Variants in RHBDF1 observed in about 807,000 individuals in gnomAD.
The protein encoded by RHBDF1 is rhomboid 5 homolog 1, also known as inactive rhomboid protein 1.
RHBDF1 carries 80 observed loss-of-function variants against 98.6 expected under a neutral mutation model. That is an observed-to-expected ratio of 0.81 (90% confidence interval 0.68 to 0.98). The LOEUF (loss-of-function observed/expected upper bound fraction) is 0.98. Ranked by LOEUF, RHBDF1 falls within the 50% of genes least tolerant of loss-of-function variation. The pLI, the probability that RHBDF1 is intolerant of heterozygous loss-of-function variation, is 0.00. For missense variants in RHBDF1, 1,116 were observed against 1,198.3 expected (o/e 0.93, Z 1.01); for synonymous variants, 512 against 486.8 (o/e 1.05, Z -0.68).
chr16:64,617 T>C, intron 3 of RHBDF1, 82 bp downstream of exon 3: 1 of 1,547,008 alleles, frequency 6.5e-7, no homozygotes, highest in Admixed American at 1.9e-5. Context: ...GCCCTTGTTC[T>C]CATTTCCATC....
chr16:65,136 AAC>A, intron 1 of RHBDF1, 97 bp from the exon 2 acceptor site: 2 of 1,296,380 alleles, frequency 1.5e-6, no homozygotes, highest in South Asian at 1.6e-5. Flanking sequence ...TGATGAGCCC[AAC>A]CGTGGTGCTC....
At position 59,292 on chromosome 16, in the gene RHBDF1, C is replaced by G. The variant is rs1400803838; in HGVS notation, c.1951G>C (p.Asp651His). ...GATAGCCACAGGCGGTAGAACTGGT[C>G]AGGCACCTCGGGGTTGAGAAAAGGC... ...LLPFLNPEVP[D>H]QFYRLWLSLF... Residue 651 changes from aspartate (D) to histidine (H), a missense_variant, in exon 16 of 18, where the codon GAC becomes CAC. Physicochemically the swap from Asp to His is moderately conservative, Grantham distance 81 (BLOSUM62 -1). Coordinates refer to ENST00000262316, the MANE Select transcript of RHBDF1 (RefSeq NM_022450.5). The G allele has an allele frequency of 6.2e-7, 1 of 1,611,190 alleles. No individual in the cohort carries two copies. Among genetic ancestry groups the G allele is most frequent in the Non-Finnish European group, 8.5e-7 (1 of 1,178,510 alleles).
Position 60,217 on chromosome 16 carries a change from G to A in RHBDF1, c.1721C>T (p.Pro574Leu), listed in dbSNP as rs762192527. 43 of 1,613,924 alleles carry A rather than the reference G, an allele frequency of 2.7e-5. No individual in the cohort carries two copies. The highest frequency in any genetic ancestry group is 2.5e-4 in the Admixed American group (15 of 59,982). Reference sequence around the variant, plus strand: ...AACAACCCCCCCACTGCAGCTCACCGGCCACTTGGTGATGTCTTCTGGCCA... The same window carrying A: ...AACAACCCCCCCACTGCAGCTCACCAGCCACTTGGTGATGTCTTCTGGCCA... ...HEWPEDITKW[P>L]ICTKNSAGNH... is the part of the protein sequence containing the mutation. Residue 574 changes from proline to leucine, a missense_variant and splice_region_variant, in exon 13 of 18, where the codon CCG (proline) becomes CTG (leucine). Pro to Leu is a moderately conservative substitution (Grantham distance 98, BLOSUM62 -3). Coordinates refer to ENST00000262316, the MANE Select transcript of RHBDF1 (RefSeq NM_022450.5).
chr16:61,309 A>T, intron 10 of RHBDF1, 28 bp from the exon 11 acceptor site: 1 of 1,541,424 alleles, frequency 6.5e-7, no homozygotes, highest in South Asian at 1.2e-5. Context: ...GAGCGGCCGC[A>T]GTCCGGGGCC....
In RHBDF1 at chr16:63,810, C is replaced by A; in HGVS notation, c.249-10G>T. On this transcript the variant is annotated splice_polypyrimidine_tract_variant and intron_variant, in intron 3 of 17. Transcript: ENST00000262316. Reference sequence around the variant, plus strand: ...CCAGTCGGCGGTCCCCCTGGCATGGCAGGGACTCAGCAAGGGGCGGCCAGA... The same window carrying A: ...CCAGTCGGCGGTCCCCCTGGCATGGAAGGGACTCAGCAAGGGGCGGCCAGA... 2 of 1,611,276 alleles carry A rather than the reference C, an allele frequency of 1.2e-6. No individual in the cohort carries two copies. Among genetic ancestry groups the A allele is most frequent in the Non-Finnish European group, 1.7e-6 (2 of 1,178,506 alleles).
intron 3 of RHBDF1, chr16:64,427 G>A (rs749773781): frequency 1.3e-5 from 19 of 1,448,768 alleles, no homozygotes; most frequent in African/African-American, 2.8e-5. Flanking sequence ...CGCCCGAAGC[G>A]TACTTGTCGG....
chr16:61,847 G>A lies in RHBDF1; in HGVS notation c.1159C>T (p.Arg387Cys), dbSNP rs769032030. 17 of 1,611,858 alleles carry A rather than the reference G, an allele frequency of 1.1e-5. No individual in the cohort carries two copies. The highest frequency in any genetic ancestry group is 2.7e-5 in the African/African-American group (2 of 74,922). The stretch of plus-strand genomic sequence containing the variant: ...TGGCGCTTGACGAAGCTGTCGATGC[G>A]CTTGCGGTAGGTGCGGTTGGTGAGC... ...GRLTNRTYRK[R>C]IDSFVKRQIE... The change falls in exon 8 of 18, where the codon CGC becomes TGC. Residue 387 changes from arginine (R) to cysteine (C), a missense_variant. Coordinates refer to ENST00000262316, the MANE Select transcript of RHBDF1 (RefSeq NM_022450.5).
In RHBDF1 at chr16:72,548, G is replaced by A; in HGVS notation, c.-60C>T. On this transcript the variant is annotated 5_prime_UTR_variant, in exon 1 of 18. Coordinates refer to ENST00000262316, the MANE Select transcript of RHBDF1 (RefSeq NM_022450.5). Reference sequence around the variant, plus strand: ...GGGGGCTCTGGGGGGTCCTGAGGGCGCCGGGGAGGAGGCTGCCGCCGCTGG... The same window carrying A: ...GGGGGCTCTGGGGGGTCCTGAGGGCACCGGGGAGGAGGCTGCCGCCGCTGG... The A allele has an allele frequency of 2.4e-6, 2 of 831,576 alleles. No homozygotes were observed. Among genetic ancestry groups the A allele is most frequent in the Non-Finnish European group, 2.6e-6 (2 of 760,258 alleles). The allele number at this position is 831,576 out of a possible 1,614,324, so 51.5% of individuals were successfully genotyped here.
At chr16:59,609 C>A (rs1446132240) in intron 14 of RHBDF1, 115 bp from the exon 15 acceptor site, 3 of 1,467,838 alleles carry the variant, frequency 2.0e-6, no homozygotes, top group Admixed American at 3.9e-5. Context: ...GAAGTCCAGA[C>A]CCCCTCTAAC....
chr16:61,019 G>A (rs1221629511), intron 11 of RHBDF1, 101 bp downstream of exon 11: 1 of 1,319,560 alleles, frequency 7.6e-7, no homozygotes, highest in African/African-American at 1.5e-5. Context: ...GGCGGGATGT[G>A]CCAGGAACGA....
chr16:75,854 C>T (rs1898077248), upstream of RHBDF1, among the ~76,000 whole-genome samples: 1 of 152,170 alleles, frequency 6.6e-6, no homozygotes, highest in South Asian at 2.1e-4. Flanking sequence ...GACCTGACAC[C>T]CACCTCAACA....
At chr16:62,490 G>T (rs758487243) in intron 7 of RHBDF1, 48 bp downstream of exon 7, 1 of 1,596,928 alleles carries the variant, frequency 6.3e-7, no homozygotes, top group Non-Finnish European at 8.5e-7. Flanking sequence ...TGTTCCTGAC[G>T]GGCCCCGGGG....
Position 64,685 on chromosome 16 carries a change from G to A in RHBDF1, c.248+14C>T. The A allele has an allele frequency of 1.2e-6, 2 of 1,600,696 alleles. No homozygotes were observed. The highest frequency in any genetic ancestry group is 1.7e-6 in the Non-Finnish European group (2 of 1,170,874). ...CAGCTCCCACCCCATGGAGCAGCTGGGCGGTGTTGGTACCTGCGGATGGTC... is the reference window on the plus strand; with the variant it reads ...CAGCTCCCACCCCATGGAGCAGCTGAGCGGTGTTGGTACCTGCGGATGGTC... On this transcript the variant is annotated intron_variant, in intron 3 of 17. Transcript: ENST00000262316.
intron 1 of RHBDF1, among the ~76,000 whole-genome samples, chr16:65,815 A>C (rs1239724413): frequency 6.6e-6 from 1 of 152,200 alleles, no homozygotes; most frequent in Non-Finnish European, 1.5e-5. Context: ...GACTTTCCAG[A>C]AACCACCCGG....
rs775763832 is a variant in RHBDF1 at position 60,550 on chromosome 16, G to C, written c.1558-11C>G. 5 of 1,601,280 alleles carry C rather than the reference G, an allele frequency of 3.1e-6. No individual in the cohort carries two copies. In the Admixed American group the frequency reaches 8.3e-5, roughly 27 times the overall value. On this transcript the variant is annotated splice_polypyrimidine_tract_variant and intron_variant, in intron 11 of 17. Transcript: ENST00000262316. Reference sequence around the variant, plus strand: ...CACTGCCAGCGTGGACTGTGGGAGGGGGACACAGGGTCAGGTCCAGTTGGG... The same window carrying C: ...CACTGCCAGCGTGGACTGTGGGAGGCGGACACAGGGTCAGGTCCAGTTGGG...
intron 17 of RHBDF1, 66 bp from the exon 18 acceptor site, chr16:58,825 A>G (rs1897486801): frequency 6.4e-7 from 1 of 1,569,430 alleles, no homozygotes; most frequent in Non-Finnish European, 8.7e-7. Flanking sequence ...CCAAGGCCTC[A>G]TCTTTCTGCC....
chr16:62,420 C>G (rs1309479879), intron 7 of RHBDF1, 118 bp downstream of exon 7: 1 of 1,361,826 alleles, frequency 7.3e-7, no homozygotes, highest in East Asian at 2.3e-5. Flanking sequence ...TAGTGAGTTC[C>G]CAGTCCCTGA....
At position 64,820 on chromosome 16, in the gene RHBDF1, G is replaced by C; in HGVS notation, c.127C>G (p.Arg43Gly). Residue 43 changes from arginine (R) to glycine (G), a missense_variant, in exon 3 of 18, where the codon CGA becomes GGA. Arg to Gly is a moderately radical substitution (Grantham distance 125). Coordinates refer to ENST00000262316, the MANE Select transcript of RHBDF1 (RefSeq NM_022450.5). ...EEPSFLQPLR[R>G]QAFLRSVSMP... ...CTCACACTCCTCAGGAAAGCCTGTC[G>C]CCTCAGGGGCTGGGCAACAGGGTCA... 1 of 1,614,058 alleles carries C rather than the reference G, an allele frequency of 6.2e-7. No individual in the cohort carries two copies. The highest frequency in any genetic ancestry group is 8.5e-7 in the Non-Finnish European group (1 of 1,180,000).
intron 4 of RHBDF1, 45 bp from the exon 5 acceptor site, chr16:63,227 C>T: frequency 6.8e-7 from 1 of 1,477,374 alleles, no homozygotes; most frequent in South Asian, 1.2e-5. Context: ...ATGGGGGCTC[C>T]TAGCTCACCC....
Sources: allele counts gnomAD v4.1 joint callset (sites outside exome capture counted in the v4.1 genomes callset), GRCh38; gene constraint gnomAD v4.1.1; transcripts MANE v1.5; gene names NCBI Gene and HGNC (gene_info 2026-07-23, HGNC 2026-07-21).